Variants in NGF observed in about 807,000 individuals in gnomAD.
NGF encodes the protein nerve growth factor.
NGF carries 4 observed loss-of-function variants against 12.8 expected under a neutral mutation model. The observed-to-expected ratio is 0.31, with a 90% CI of 0.15 to 0.72. The LOEUF is 0.72. NGF is among the 30% of genes least tolerant of loss of function. The pLI is 0.69. For synonymous variants in NGF, 140 were observed against 130.0 expected, an observed-to-expected ratio of 1.08 and a Z score of -0.52; for missense variants, 283 against 330.8, an observed-to-expected ratio of 0.86 and a Z score of 1.12.
chr1:115,301,402 G>A (rs1654030871), intron 1 of NGF, among the ~76,000 whole-genome samples: 1 of 152,148 alleles, frequency 6.6e-6, no homozygotes, highest in Non-Finnish European at 1.5e-5. Flanking sequence ...GGGTTAAATT[G>A]AATGAGCATT....
chr1:115,337,261 GTTTTTGT>G (rs1655140018), intron 1 of NGF, among the ~76,000 whole-genome samples: 2 of 11,754 alleles, frequency 1.7e-4, no homozygotes, highest in African/African-American at 2.3e-4. Context: ...TTTTTGTTTT[GTTTTTGT>G]TTTTTTTTTT....
chr1:115,312,461 A>G (rs1654360087), intron 1 of NGF, among the ~76,000 whole-genome samples: 1 of 152,182 alleles, frequency 6.6e-6, no homozygotes, highest in South Asian at 2.1e-4. Flanking sequence ...GACACGACAA[A>G]GGCACAGGAA....
intron 2 of NGF, among the ~76,000 whole-genome samples, chr1:115,289,469 G>A (rs568134375): frequency 6.6e-5 from 10 of 151,982 alleles, no homozygotes; most frequent in Non-Finnish European, 1.5e-4. Context: ...CTCTTCTAAG[G>A]AGCCCATCGA....
chr1:115,337,259 TTG>T (rs1655137526), intron 1 of NGF, among the ~76,000 whole-genome samples: 4 of 86,862 alleles, frequency 4.6e-5, no homozygotes, highest in African/African-American at 2.2e-4. Context: ...TTTTTTTGTT[TTG>T]TTTTTGTTTT....
intron 1 of NGF, among the ~76,000 whole-genome samples, chr1:115,322,019 T>C (rs1349982120): frequency 6.6e-6 from 1 of 152,218 alleles, no homozygotes; most frequent in African/African-American, 2.4e-5. Context: ...GGACCCAAAA[T>C]GTTTCTCCAT....
In NGF at chr1:115,286,309, C is replaced by T. The variant is rs774878867; in HGVS notation, c.487G>A (p.Val163Met). 1 of 1,614,174 alleles carries T rather than the reference C, an allele frequency of 6.2e-7. No homozygotes were observed. The highest frequency in any genetic ancestry group is 2.2e-5 in the East Asian group (1 of 44,882). Residue 163 changes from valine (V) to methionine (M), a missense_variant, in exon 3 of 3, where the codon GTG becomes ATG. Val to Met is a conservative substitution (Grantham distance 21). Coordinates refer to ENST00000369512, the MANE Select transcript of NGF (RefSeq NM_002506.3). ...KGKEVMVLGE[V>M]NINNSVFKQY... ...TTGAATACACTGTTGTTAATGTTCA[C>T]CTCTCCCAACACCATCACCTCCTTG...
intron 1 of NGF, among the ~76,000 whole-genome samples, chr1:115,330,971 C>T (rs1484809811): frequency 1.3e-5 from 2 of 152,126 alleles, no homozygotes; most frequent in Admixed American, 6.5e-5. Flanking sequence ...CAGCCACAGG[C>T]CTCGGGGAGA....
At chr1:115,315,209 A>G (rs116504153) in intron 1 of NGF, among the ~76,000 whole-genome samples, 1,884 of 152,284 alleles carry the variant, frequency 0.012, 29 homozygotes, top group Non-Finnish European at 0.016. Context: ...GGAAGCCATT[A>G]GAAGATTTTT....
intron 1 of NGF, among the ~76,000 whole-genome samples, chr1:115,332,466 T>C (rs1321325439): frequency 6.6e-6 from 1 of 152,232 alleles, no homozygotes. Context: ...AAGCTATATA[T>C]GCACAGATAC....
chr1:115,337,267 G>GTTTGTTTGTTTTT, intron 1 of NGF, among the ~76,000 whole-genome samples: 8 of 81,030 alleles, frequency 9.9e-5, no homozygotes, highest in East Asian at 3.7e-4. Context: ...TTTTGTTTTT[G>GTTTGTTTGTTTTT]TTTTTTTTTT....
chr1:115,287,678 C>A (rs1653556613), intron 2 of NGF, among the ~76,000 whole-genome samples: 1 of 152,220 alleles, frequency 6.6e-6, no homozygotes, highest in South Asian at 2.1e-4. Flanking sequence ...TGACCCCTTA[C>A]TAAGCTAGTG....
chr1:115,290,751 T>C (rs1023398512), intron 2 of NGF, among the ~76,000 whole-genome samples: 1 of 152,174 alleles, frequency 6.6e-6, no homozygotes, highest in Non-Finnish European at 1.5e-5. Context: ...TATTCTTTTA[T>C]CCTCCCTTCT....
intron 1 of NGF, among the ~76,000 whole-genome samples, chr1:115,335,855 C>G (rs1203828746): frequency 1.3e-5 from 2 of 152,158 alleles, no homozygotes; most frequent in African/African-American, 2.4e-5. Context: ...GTAAAGCACT[C>G]CATCAATGAG....
chr1:115,334,792 A>G (rs1044689546), intron 1 of NGF, among the ~76,000 whole-genome samples: 3 of 152,210 alleles, frequency 2.0e-5, no homozygotes, highest in African/African-American at 7.2e-5. Flanking sequence ...CACTGTGCAG[A>G]TTGGTCACAC....
chr1:115,327,171 T>A (rs919546718), intron 1 of NGF, among the ~76,000 whole-genome samples: 2 of 152,238 alleles, frequency 1.3e-5, no homozygotes, highest in African/African-American at 4.8e-5. Context: ...AATTCTGTAA[T>A]AGGTTCATAG....
At chr1:115,298,137 C>T (rs1486500349) in intron 1 of NGF, among the ~76,000 whole-genome samples, 1 of 152,204 alleles carries the variant, frequency 6.6e-6, no homozygotes, top group East Asian at 1.9e-4. Context: ...GTCTCTCCTG[C>T]CTGACCCACG....
At chr1:115,293,259 G>A (rs2101025847) in intron 2 of NGF, among the ~76,000 whole-genome samples, 1 of 152,248 alleles carries the variant, frequency 6.6e-6, no homozygotes. Context: ...CTGGTGAAGG[G>A]CACAAAGAGT....
chr1:115,319,643 A>C (rs746351588), intron 1 of NGF, among the ~76,000 whole-genome samples: 1 of 152,212 alleles, frequency 6.6e-6, no homozygotes, highest in Non-Finnish European at 1.5e-5. Flanking sequence ...AAAATCATAC[A>C]TAGTATGAAC....
chr1:115,288,254 A>G (rs1363879333), intron 2 of NGF, among the ~76,000 whole-genome samples: 2 of 152,198 alleles, frequency 1.3e-5, no homozygotes, highest in African/African-American at 4.8e-5. Context: ...CAGTGTAATG[A>G]CAAGAACTCT....
Sources: allele counts gnomAD v4.1 joint callset (sites outside exome capture counted in the v4.1 genomes callset), GRCh38; gene constraint gnomAD v4.1.1; transcripts MANE v1.5; gene names NCBI Gene and HGNC (gene_info 2026-07-23, HGNC 2026-07-21).